Variants in CACNA1C observed in about 807,000 individuals in gnomAD.
CACNA1C encodes calcium voltage-gated channel subunit alpha1 C, also known as voltage-dependent L-type calcium channel subunit alpha-1C.
A neutral mutation model predicts 229.0 loss-of-function variants in CACNA1C; 30 were observed. The ratio of observed to expected loss-of-function variants is 0.13; its 90% CI spans 0.10 to 0.18. CACNA1C has a LOEUF of 0.18. CACNA1C is among the 10% of genes least tolerant of loss of function. The pLI is 1.00. For missense variants in CACNA1C, 1,658 were observed against 2,845.0 expected (o/e 0.58, Z 9.49); for synonymous variants, 1,114 against 1,132.5 (o/e 0.98, Z 0.33).
chr12:2,033,243 G>A (rs1244721158), intron 1 of CACNA1C, among the ~76,000 whole-genome samples: 1 of 152,118 alleles, frequency 6.6e-6, no homozygotes, highest in Non-Finnish European at 1.5e-5. Flanking sequence ...GTGTCCAGCT[G>A]GGTCCTCTTT....
chr12:2,249,296 C>G (rs1392561116), intron 3 of CACNA1C, among the ~76,000 whole-genome samples: 5 of 152,172 alleles, frequency 3.3e-5, no homozygotes, highest in Admixed American at 1.3e-4. Flanking sequence ...CAGGCCACAT[C>G]CGGCCTGCCA....
Position 2,082,538 on chromosome 12 carries a change from G to A in CACNA1C, c.49+28927G>A, listed in dbSNP as rs74929283. Among the ~76,000 whole-genome samples, 1,006 of 152,298 alleles carry A rather than the reference G, an allele frequency of 6.6e-3. 9 individuals carry two copies. Among genetic ancestry groups the A allele is most frequent in the Middle Eastern group, 0.024 (7 of 294 alleles). On this transcript the variant is annotated intron_variant, in intron 1 of 46. Coordinates refer to ENST00000399655, the MANE Select transcript of CACNA1C (RefSeq NM_000719.7). ...GCTAGGAAATGCAGGAGCGATCATA[G>A]CATTTGGAGCAGGGGCCCTCTCTCC... is the stretch of plus-strand genomic sequence containing the variant.
chr12:2,413,644 C>T (rs902505663), intron 3 of CACNA1C, among the ~76,000 whole-genome samples: 9 of 152,140 alleles, frequency 5.9e-5, no homozygotes, highest in African/African-American at 2.2e-4. Context: ...TGGGTCTGGC[C>T]GCCGTCCTAC....
At chr12:2,013,099 A>G (rs2044715387) in intron 1 of CACNA1C, among the ~76,000 whole-genome samples, 1 of 152,238 alleles carries the variant, frequency 6.6e-6, no homozygotes, top group Admixed American at 6.5e-5. Flanking sequence ...GATTGCAAGC[A>G]TGAGCTCTGC....
chr12:2,583,077 C>T (rs1207440675), intron 15 of CACNA1C, 135 bp downstream of exon 15: 2 of 629,928 alleles, frequency 3.2e-6, no homozygotes, highest in Non-Finnish European at 5.6e-6. Flanking sequence ...CCCATGGCGG[C>T]GGAGGTGGGT....
chr12:2,458,422 C>G (rs1428033541), intron 5 of CACNA1C, among the ~76,000 whole-genome samples: 1 of 152,172 alleles, frequency 6.6e-6, no homozygotes, highest in East Asian at 1.9e-4. Flanking sequence ...GGCTTCAGGC[C>G]CCCTGGGAAG....
chr12:2,633,752 C>T lies in CACNA1C; in HGVS notation c.3829-545C>T. On this transcript the variant is annotated intron_variant, in intron 29 of 46. Transcript: ENST00000399655. This position sits in a 1 kb window ranked among gnomAD's most constrained non-coding sequence, Gnocchi z 5.8. Reference sequence around the variant, plus strand: ...GCCCTCCCCAGGAAACCTCCTCATTCCTCCTCCTCTGCCTCGTCTATTTCT... The same window carrying T: ...GCCCTCCCCAGGAAACCTCCTCATTTCTCCTCCTCTGCCTCGTCTATTTCT... The T allele has an allele frequency of 1.9e-6, 2 of 1,035,756 alleles. No individual in the cohort carries two copies. The highest frequency in any genetic ancestry group is 3.1e-6 in the Non-Finnish European group (2 of 654,270). 64.2% of individuals were successfully genotyped at this position (1,035,756 alleles called of 1,614,324 possible).
chr12:2,671,507 C>T (rs1033005111), intron 38 of CACNA1C, among the ~76,000 whole-genome samples: 3 of 151,962 alleles, frequency 2.0e-5, no homozygotes, highest in African/African-American at 7.3e-5. Flanking sequence ...GAAGGAGAGG[C>T]GATATAAATG....
chr12:1,984,386 T>G (rs1003114747), intron 1 of CACNA1C, among the ~76,000 whole-genome samples: 1 of 152,118 alleles, frequency 6.6e-6, no homozygotes, highest in African/African-American at 2.4e-5. Flanking sequence ...ATCTCTATAT[T>G]TCTTTTTAGT....
chr12:2,432,733 G>T (rs529754532), intron 3 of CACNA1C, among the ~76,000 whole-genome samples: 51 of 152,150 alleles, frequency 3.4e-4, no homozygotes, highest in Non-Finnish European at 6.6e-4. Context: ...GATAGTATTT[G>T]GTTCTGTGGC....
chr12:2,597,551 T>C lies in CACNA1C; in HGVS notation c.2853+262T>C. The C allele has an allele frequency of 1.8e-6, 2 of 1,125,100 alleles. No individual in the cohort carries two copies. Among genetic ancestry groups the C allele is most frequent in the Non-Finnish European group, 2.7e-6 (2 of 735,630 alleles). 69.7% of individuals were successfully genotyped at this position (1,125,100 alleles called of 1,614,324 possible). A position where few individuals can be genotyped will look rare whatever the true frequency, so the allele number is the denominator to read the frequency against. Reference sequence around the variant, plus strand: ...TCGCTTTCTTTGTCTATCTCTGCTCTGTGTGGCTGGATCTTTTGTCTTTTC... The same window carrying C: ...TCGCTTTCTTTGTCTATCTCTGCTCCGTGTGGCTGGATCTTTTGTCTTTTC... On this transcript the variant is annotated intron_variant, in intron 21 of 46. Coordinates refer to ENST00000399655, the MANE Select transcript of CACNA1C (RefSeq NM_000719.7). This position sits in a 1 kb window ranked among gnomAD's most constrained non-coding sequence, Gnocchi z 4.3.
intron 13 of CACNA1C, among the ~76,000 whole-genome samples, chr12:2,573,190 G>T (rs192729848): frequency 6.6e-6 from 1 of 152,148 alleles, no homozygotes; most frequent in Non-Finnish European, 1.5e-5. Flanking sequence ...AAGTAACTGG[G>T]ACTATAAGTG....
intron 3 of CACNA1C, among the ~76,000 whole-genome samples, chr12:2,373,393 G>T (rs117386327): frequency 6.6e-6 from 1 of 152,288 alleles, no homozygotes; most frequent in Non-Finnish European, 1.5e-5. Context: ...TCAGGAACAT[G>T]AATATACAAT....
chr12:1,982,535 C>T (rs1477501658), intron 1 of CACNA1C, among the ~76,000 whole-genome samples: 1 of 63,044 alleles, frequency 1.6e-5, no homozygotes, highest in Admixed American at 1.3e-4. Context: ...TCACGTTGTA[C>T]TATATATATA....
chr12:2,658,104 C>A (rs2095516166), intron 34 of CACNA1C, among the ~76,000 whole-genome samples: 1 of 152,014 alleles, frequency 6.6e-6, no homozygotes, highest in Admixed American at 6.6e-5. Context: ...ATACAATTAA[C>A]AGACTTGAAC....
chr12:2,561,428 G>C (rs1176840785), intron 11 of CACNA1C, among the ~76,000 whole-genome samples: 1 of 152,224 alleles, frequency 6.6e-6, no homozygotes, highest in Non-Finnish European at 1.5e-5. Context: ...GCTAGCTACT[G>C]AGTATCTGGT....
chr12:2,333,048 A>G (rs1485246915), intron 3 of CACNA1C, among the ~76,000 whole-genome samples: 1 of 152,170 alleles, frequency 6.6e-6, no homozygotes, highest in Non-Finnish European at 1.5e-5. Context: ...CCCCTTGGAC[A>G]TGTTCCAGTC....
chr12:2,350,068 T>C (rs1310946685), intron 3 of CACNA1C, among the ~76,000 whole-genome samples: 1 of 152,194 alleles, frequency 6.6e-6, no homozygotes, highest in Non-Finnish European at 1.5e-5. Context: ...TTAGGAGTCA[T>C]GTTTGTTCAC....
intron 38 of CACNA1C, among the ~76,000 whole-genome samples, chr12:2,671,822 C>G (rs1386385835): frequency 1.3e-5 from 2 of 152,182 alleles, no homozygotes; most frequent in Admixed American, 1.3e-4. Flanking sequence ...CTTTTAAACA[C>G]AAAGACATTT....
Sources: gnomAD v4.1 joint callset for allele counts (sites outside exome capture counted in the v4.1 genomes callset) on GRCh38, gnomAD v4.1.1 for gene constraint, Gnocchi (gnomAD v3.1) non-coding constraint, MANE v1.5 for transcripts, NCBI Gene and HGNC (gene_info 2026-07-23, HGNC 2026-07-21) for gene names.